MAP3K15: variants seen among roughly 807,000 people sequenced by gnomAD.
MAP3K15 encodes the protein mitogen-activated protein kinase kinase kinase 15.
In MAP3K15, 124 loss-of-function variants were observed where a neutral mutation model predicts 99.5. The observed-to-expected ratio is 1.25, with a 90% confidence interval of 1.08 to 1.45. The LOEUF is 1.45. Among genes scored for constraint, MAP3K15 ranks in the 40% most tolerant of loss-of-function variants. The pLI is 0.00. For missense variants in MAP3K15, 1,242 were observed against 1,079.7 expected, an observed-to-expected ratio of 1.15 and a Z score of -2.11; for synonymous variants, 494 against 439.6, an observed-to-expected ratio of 1.12 and a Z score of -1.55.
chrX:19,428,553 A>G (rs1029879421), intron 7 of MAP3K15, among the ~76,000 whole-genome samples: 2 of 112,578 alleles, frequency 1.8e-5, no homozygotes, highest in African/African-American at 6.4e-5. Context: ...TCTACACATA[A>G]TTAGTGACAA....
chrX:19,475,118 G>C (rs190151920), intron 3 of MAP3K15, among the ~76,000 whole-genome samples: 1 of 110,751 alleles, frequency 9.0e-6, no homozygotes, highest in African/African-American at 3.3e-5. Flanking sequence ...CTGTGATGTA[G>C]AATCAACAGG....
intron 14 of MAP3K15, among the ~76,000 whole-genome samples, 170 bp from the exon 15 acceptor site, chrX:19,398,529 G>T (rs1347287847): frequency 9.0e-6 from 1 of 111,666 alleles, no homozygotes; most frequent in Non-Finnish European, 1.9e-5. Context: ...ACTTTAAAGG[G>T]GCAGAATTCT....
intron 3 of MAP3K15, among the ~76,000 whole-genome samples, chrX:19,474,797 C>T (rs1023188248): frequency 9.0e-6 from 1 of 111,199 alleles, no homozygotes; most frequent in African/African-American, 3.3e-5. Context: ...TTAAGATCTG[C>T]TGTTTGATCT....
intron 2 of MAP3K15, among the ~76,000 whole-genome samples, chrX:19,488,319 T>G (rs2064343592): frequency 8.9e-6 from 1 of 112,280 alleles, no homozygotes; most frequent in African/African-American, 3.2e-5. Flanking sequence ...CACACACGTT[T>G]TCAGTTTTGC....
At chrX:19,473,857 C>G (rs1459755442) in intron 3 of MAP3K15, among the ~76,000 whole-genome samples, 2 of 112,080 alleles carry the variant, frequency 1.8e-5, no homozygotes, top group South Asian at 7.4e-4. Flanking sequence ...ATTACAAAAG[C>G]TTAATTATAT....
intron 3 of MAP3K15, among the ~76,000 whole-genome samples, chrX:19,475,709 T>C (rs965818699): frequency 5.4e-5 from 6 of 111,619 alleles, no homozygotes; most frequent in Non-Finnish European, 1.1e-4. Flanking sequence ...CAATTGTCCA[T>C]TGGCTTCAAT....
rs1486664520 is a variant in MAP3K15 at position 19,373,527 on chromosome X, C to T, written c.2933+9G>A. 7.7e-6 allele frequency: 9 copies of T among 1,167,714 alleles called. No individual in the cohort carries two copies. Among genetic ancestry groups the T allele is most frequent in the Admixed American group, 5.2e-5 (2 of 38,821 alleles). On this transcript the variant is annotated intron_variant, in intron 21 of 28. Transcript: ENST00000338883. Reference sequence around the variant, plus strand: ...GGGCCCGCGGCAGACAGACAGAATACGGGTGTACCTGAGGAGGTGGCCAAG... The same window carrying T: ...GGGCCCGCGGCAGACAGACAGAATATGGGTGTACCTGAGGAGGTGGCCAAG...
rs773722540 is a variant in MAP3K15, at chrX:19,372,606, T to C, written c.3108+47A>G. ...TTGGACCTGTCTGGGGACTGGGACC[T>C]GGGCAGAGGGAGCGGGAAGAGTCGG... On this transcript the variant is annotated intron_variant, in intron 22 of 28. Transcript: ENST00000338883. 7.8e-6 allele frequency: 9 copies of C among 1,154,407 alleles called. No homozygotes were observed. The South Asian group carries it at 1.8e-4, about 23-fold the overall frequency.
intron 15 of MAP3K15, among the ~76,000 whole-genome samples, chrX:19,397,509 G>A (rs1213334719): frequency 9.0e-6 from 1 of 111,441 alleles, no homozygotes; most frequent in Non-Finnish European, 1.9e-5. Context: ...CAGCTCCTCA[G>A]GCGGCTGAAG....
In MAP3K15 at chrX:19,426,323, A is replaced by G; in HGVS notation, c.1187T>C (p.Leu396Pro). Residue 396 changes from leucine to proline, a missense_variant, in exon 8 of 29, where the codon CTC becomes CCC. Physicochemically the swap from Leu to Pro is moderately conservative, Grantham distance 98 (BLOSUM62 -3). Transcript: ENST00000338883. The part of the protein sequence containing the change: ...AIEWYRKGFE[L>P]QSSLYSGINL... ...AATTCCCGAATAGAGGGATGACTGG[A>G]GTTCAAACCCTTTGCGATACCTATA... 8.8e-7 allele frequency: 1 copy of G among 1,138,798 alleles called. No homozygotes were observed. The highest frequency in any genetic ancestry group is 1.2e-6 in the Non-Finnish European group (1 of 856,499). The allele number at this position is 1,138,798 out of a possible 1,213,427, so 93.8% of individuals were successfully genotyped here.
intron 19 of MAP3K15, among the ~76,000 whole-genome samples, chrX:19,377,484 C>T (rs944678156): frequency 8.1e-5 from 9 of 110,705 alleles, no homozygotes; most frequent in African/African-American, 3.0e-4. Context: ...GCAGAGGCTG[C>T]AGTGAGCCAA....
In MAP3K15 at chrX:19,374,678, G is replaced by T. The variant is rs754833070; in HGVS notation, c.2590-18C>A. Reference sequence around the variant, plus strand: ...ATGCCCACCTGCATTTAAGGGAGAGGTAACCGATGTGTCAGTGAGGCCTTG... The same window carrying T: ...ATGCCCACCTGCATTTAAGGGAGAGTTAACCGATGTGTCAGTGAGGCCTTG... On this transcript the variant is annotated intron_variant, in intron 19 of 28. Coordinates refer to ENST00000338883, the MANE Select transcript of MAP3K15 (RefSeq NM_001001671.4). The T allele has an allele frequency of 3.4e-6, 4 of 1,193,470 alleles. No homozygotes were observed. Among genetic ancestry groups the T allele is most frequent in the East Asian group, 6.0e-5 (2 of 33,591 alleles).
chrX:19,379,789 C>A (rs148509205), intron 19 of MAP3K15, among the ~76,000 whole-genome samples: 1 of 111,480 alleles, frequency 9.0e-6, no homozygotes, highest in Non-Finnish European at 1.9e-5. Context: ...AATGGTCCCC[C>A]CAATCACCAG....
intron 3 of MAP3K15, 72 bp from the exon 4 acceptor site, chrX:19,464,478 T>G: frequency 1.0e-5 from 8 of 797,263 alleles, no homozygotes; most frequent in East Asian, 3.4e-5. Flanking sequence ...AGGTGGCGCC[T>G]GGTGGGACAG....
At chrX:19,468,290 C>A (rs1216997829) in intron 3 of MAP3K15, among the ~76,000 whole-genome samples, 1 of 111,947 alleles carries the variant, frequency 8.9e-6, no homozygotes, top group African/African-American at 3.2e-5. Context: ...CTAGGAGGAA[C>A]CTTCCTGAGG....
Position 19,431,619 on chromosome X carries a change from G to C in MAP3K15, c.996-11C>G. 5.1e-6 allele frequency: 6 copies of C among 1,187,718 alleles called. No homozygotes were observed. Among genetic ancestry groups the C allele is most frequent in the Non-Finnish European group, 4.5e-6 (4 of 887,022 alleles). On this transcript the variant is annotated splice_polypyrimidine_tract_variant and intron_variant, in intron 6 of 28. Coordinates refer to ENST00000338883, the MANE Select transcript of MAP3K15 (RefSeq NM_001001671.4). ...CCTGTGCTGTTTCTCCTGAAAGATA[G>C]ATGTTATAAGGTCACAAATGAATCA... is the stretch of plus-strand genomic sequence containing the variant.
intron 1 of MAP3K15, among the ~76,000 whole-genome samples, chrX:19,501,749 C>T (rs1014767204): frequency 4.5e-5 from 5 of 111,941 alleles, no homozygotes; most frequent in Admixed American, 3.8e-4. Context: ...CGCTGTCTGG[C>T]AGAAGATCAA....
Position 19,514,898 on chromosome X carries a change from C to CA in MAP3K15, c.361+2dup, listed in dbSNP as rs2064550761. 9.1e-7 allele frequency: 1 copy of CA among 1,103,019 alleles called. No homozygotes were observed. Among genetic ancestry groups the CA allele is most frequent in the South Asian group, 2.0e-5 (1 of 50,521 alleles). The allele number at this position is 1,103,019 out of a possible 1,213,427, so 90.9% of individuals were successfully genotyped here. The stretch of plus-strand genomic sequence containing the variant: ...ACTGAGGTGGGGACGAAGCCGCTCT[C>CA]ACCTGCGTCGTAGAAGGCGTCGAGC... On this transcript the variant is annotated splice_region_variant and intron_variant, in intron 1 of 28. Transcript: ENST00000338883.
chrX:19,443,262 A>T lies in MAP3K15; in HGVS notation c.996-11654T>A, dbSNP rs199907622. On this transcript the variant is annotated intron_variant, in intron 6 of 28. Coordinates refer to ENST00000338883, the MANE Select transcript of MAP3K15 (RefSeq NM_001001671.4). ...AGACCAGGCTGGTCTCAAACTCCTG[A>T]CCTCAAGTGATCTGCCTGCCTCGAC... is the stretch of plus-strand genomic sequence containing the variant. 8.3e-5 allele frequency among the ~76,000 whole-genome samples: 9 copies of T among 108,164 alleles called. No homozygotes were observed. The East Asian group carries it at 2.6e-3, about 32-fold the overall frequency. The allele number at this position is 108,164 out of a possible 115,157, so 93.9% of individuals were successfully genotyped here. A position where few individuals can be genotyped will look rare whatever the true frequency, so the allele number is the denominator to read the frequency against.
Sources: gnomAD v4.1 joint callset for allele counts (sites outside exome capture counted in the v4.1 genomes callset) on GRCh38, gnomAD v4.1.1 for gene constraint, MANE v1.5 for transcripts, NCBI Gene and HGNC (gene_info 2026-07-23, HGNC 2026-07-21) for gene names.